The following ANO3 variants were observed in gnomAD, a reference collection of about 807,000 sequenced individuals.
ANO3 encodes anoctamin 3, also known as anoctamin-3.
ANO3 carries 99 observed loss-of-function variants against 144.8 expected under a neutral mutation model. The observed-to-expected ratio is 0.68, with a 90% CI of 0.58 to 0.81. ANO3 has a LOEUF of 0.81. ANO3 is among the 30% of genes least tolerant of loss of function. The pLI is 0.00. For synonymous variants in ANO3, 414 were observed against 392.6 expected (o/e 1.05, Z -0.64); for missense variants, 905 against 1,202.2 (o/e 0.75, Z 3.66).
chr11:26,378,960 A>C (rs1268541555), intron 1 of ANO3, among the ~76,000 whole-genome samples: 1 of 106,574 alleles, frequency 9.4e-6, no homozygotes, highest in Non-Finnish European at 1.9e-5. Flanking sequence ...AAAACAAAAA[A>C]CAACTTCTCC....
rs10835008 is a variant in ANO3 at position 26,598,111 on chromosome 11, G to A, written c.1448-254G>A. On this transcript the variant is annotated intron_variant, in intron 14 of 26. Transcript: ENST00000256737. Reference sequence around the variant, plus strand: ...TCAGTAATATTGATTGCATCATTTTGATGAGCTGTGCTGACAAAAAGTCCC... The same window carrying A: ...TCAGTAATATTGATTGCATCATTTTAATGAGCTGTGCTGACAAAAAGTCCC... 0.12 allele frequency among the ~76,000 whole-genome samples: 18,257 copies of A among 152,168 alleles called. 1,315 individuals are homozygous for A. The highest frequency in any genetic ancestry group is 0.2 in the African/African-American group (8,423 of 41,486).
intron 1 of ANO3, among the ~76,000 whole-genome samples, chr11:26,413,248 T>C (rs1361908417): frequency 6.6e-6 from 1 of 151,962 alleles, no homozygotes; most frequent in Non-Finnish European, 1.5e-5. Flanking sequence ...CTTTTGCAAA[T>C]TGTTATTCTA....
chr11:26,482,068 T>C (rs1351251035), intron 4 of ANO3, among the ~76,000 whole-genome samples: 1 of 151,842 alleles, frequency 6.6e-6, no homozygotes, highest in African/African-American at 2.4e-5. Flanking sequence ...CATTTTTTTT[T>C]TAATCTTCTC....
chr11:26,326,514 A>G (rs1043920248), intron 1 of ANO3, among the ~76,000 whole-genome samples: 1 of 152,162 alleles, frequency 6.6e-6, no homozygotes, highest in Admixed American at 6.6e-5. Context: ...TTTTCTCAGT[A>G]AATAAATATT....
chr11:26,207,649 A>C (rs1289378392), intron 1 of ANO3, among the ~76,000 whole-genome samples: 2 of 152,206 alleles, frequency 1.3e-5, no homozygotes, highest in Non-Finnish European at 2.9e-5. Context: ...ATATATTAAC[A>C]AGATCACACA....
chr11:26,229,623 C>A (rs2133800497), intron 1 of ANO3, among the ~76,000 whole-genome samples: 1 of 152,240 alleles, frequency 6.6e-6, no homozygotes, highest in Admixed American at 6.5e-5. Flanking sequence ...TTTTTATATG[C>A]TAATCAACTC....
At chr11:26,564,104 T>C (rs1480230718) in intron 14 of ANO3, among the ~76,000 whole-genome samples, 3 of 151,768 alleles carry the variant, frequency 2.0e-5, no homozygotes, top group African/African-American at 7.3e-5. Context: ...AAAAGAGAAG[T>C]AAGCTAACTA....
intron 1 of ANO3, among the ~76,000 whole-genome samples, chr11:26,231,119 C>T (rs1197787462): frequency 2.6e-5 from 4 of 152,018 alleles, no homozygotes; most frequent in Non-Finnish European, 5.9e-5. Context: ...CTTCATGATC[C>T]ACCCGCCTTG....
intron 14 of ANO3, among the ~76,000 whole-genome samples, chr11:26,561,646 C>T: frequency 6.6e-6 from 1 of 151,502 alleles, no homozygotes; most frequent in Admixed American, 6.6e-5. Flanking sequence ...ATTATTTTAC[C>T]AAATATCACA....
intron 12 of ANO3, among the ~76,000 whole-genome samples, chr11:26,549,709 C>A (rs1173638572): frequency 6.6e-6 from 1 of 151,666 alleles, no homozygotes; most frequent in Non-Finnish European, 1.5e-5. Context: ...TCAAATATGG[C>A]CATATCTGTG....
chr11:26,574,292 A>G (rs1850932203), intron 14 of ANO3, among the ~76,000 whole-genome samples: 1 of 152,174 alleles, frequency 6.6e-6, no homozygotes, highest in Admixed American at 6.5e-5. Flanking sequence ...GAATATCACT[A>G]ATGGATCTGA....
chr11:26,463,806 G>C (rs1859501868), intron 4 of ANO3, among the ~76,000 whole-genome samples: 1 of 151,754 alleles, frequency 6.6e-6, no homozygotes, highest in Non-Finnish European at 1.5e-5. Flanking sequence ...AAGACAAAAT[G>C]GATGCTGCTT....
chr11:26,576,494 C>T (rs992623034), intron 14 of ANO3, among the ~76,000 whole-genome samples: 1 of 152,130 alleles, frequency 6.6e-6, no homozygotes. Context: ...TTGCATCTCT[C>T]AGCACATAGT....
At chr11:26,291,131 T>G (rs1590238031) in intron 1 of ANO3, among the ~76,000 whole-genome samples, 2 of 152,344 alleles carry the variant, frequency 1.3e-5, no homozygotes, top group South Asian at 4.1e-4. Context: ...AGTTAGCTCT[T>G]CTTATTGAAT....
chr11:26,573,683 G>A (rs1047169219), intron 14 of ANO3, among the ~76,000 whole-genome samples: 9 of 152,012 alleles, frequency 5.9e-5, no homozygotes, highest in African/African-American at 1.7e-4. Flanking sequence ...TAAAAGTCCC[G>A]CTAATTTCTC....
chr11:26,493,951 T>G (rs925175524), intron 4 of ANO3, among the ~76,000 whole-genome samples: 6 of 152,232 alleles, frequency 3.9e-5, no homozygotes, highest in African/African-American at 1.4e-4. Flanking sequence ...AGGTTTAATT[T>G]AAGCTAAGAT....
At chr11:26,233,646 T>G (rs1372544337) in intron 1 of ANO3, among the ~76,000 whole-genome samples, 1 of 152,164 alleles carries the variant, frequency 6.6e-6, no homozygotes, top group African/African-American at 2.4e-5. Context: ...TGCACACATA[T>G]GTTTATTGAA....
At chr11:26,635,596 G>T (rs1265107828) in intron 20 of ANO3, among the ~76,000 whole-genome samples, 1 of 152,034 alleles carries the variant, frequency 6.6e-6, no homozygotes, top group Non-Finnish European at 1.5e-5. Flanking sequence ...GCCTCCAAAT[G>T]CCACCCCTAC....
At chr11:26,320,702 A>T (rs1267202331) in intron 1 of ANO3, among the ~76,000 whole-genome samples, 1 of 152,094 alleles carries the variant, frequency 6.6e-6, no homozygotes, top group Non-Finnish European at 1.5e-5. Context: ...CCTTTACATA[A>T]TGTTTCTGTT....
Sources: allele counts gnomAD v4.1 joint callset (sites outside exome capture counted in the v4.1 genomes callset), GRCh38; gene constraint gnomAD v4.1.1; transcripts MANE v1.5; gene names NCBI Gene and HGNC (gene_info 2026-07-23, HGNC 2026-07-21).